MACROD2: variants seen among roughly 807,000 people sequenced by gnomAD.
The protein encoded by MACROD2 is mono-ADP ribosylhydrolase 2.
A neutral mutation model predicts 70.4 loss-of-function variants in MACROD2; 36 were observed. The ratio of observed to expected loss-of-function variants is 0.51; its 90% CI spans 0.39 to 0.68. The LOEUF is 0.68. MACROD2 is among the 30% of genes least tolerant of loss of function. The probability of loss-of-function intolerance (pLI) is 0.00; values close to 1 mark genes in which losing one functional copy is unlikely to be tolerated. For missense variants in MACROD2, 496 were observed against 538.4 expected, an observed-to-expected ratio of 0.92 and a Z score of 0.78; for synonymous variants, 172 against 178.8, an observed-to-expected ratio of 0.96 and a Z score of 0.30.
chr20:15,087,724 T>G (rs1201955813), intron 5 of MACROD2, among the ~76,000 whole-genome samples: 1 of 152,018 alleles, frequency 6.6e-6, no homozygotes, highest in Non-Finnish European at 1.5e-5. Context: ...AAATTTTTCA[T>G]GGCAAATGTC....
chr20:15,269,327 T>C (rs2077325330), intron 6 of MACROD2, among the ~76,000 whole-genome samples: 1 of 152,210 alleles, frequency 6.6e-6, no homozygotes, highest in Non-Finnish European at 1.5e-5. Flanking sequence ...AGCAAGGTTT[T>C]CCCTTAGTAC....
intron 2 of MACROD2, among the ~76,000 whole-genome samples, chr20:14,069,204 C>G (rs1201123414): frequency 6.6e-6 from 1 of 152,234 alleles, no homozygotes; most frequent in Non-Finnish European, 1.5e-5. Context: ...GCCTCGGCCT[C>G]CCAAAGTGCT....
intron 8 of MACROD2, among the ~76,000 whole-genome samples, chr20:15,793,953 T>C (rs1217277236): frequency 6.7e-6 from 1 of 148,460 alleles, no homozygotes; most frequent in Non-Finnish European, 1.5e-5. Flanking sequence ...AGATATTTTA[T>C]ATATAATATA....
chr20:15,032,327 C>G (rs560634146), intron 5 of MACROD2, among the ~76,000 whole-genome samples: 1 of 152,212 alleles, frequency 6.6e-6, no homozygotes, highest in East Asian at 1.9e-4. Context: ...GCTCCTGGCC[C>G]CCGTCGGCTC....
At chr20:15,601,621 G>A (rs1032893718) in intron 8 of MACROD2, among the ~76,000 whole-genome samples, 2 of 152,090 alleles carry the variant, frequency 1.3e-5, no homozygotes, top group Non-Finnish European at 2.9e-5. Flanking sequence ...TTAGTTTATT[G>A]GCTCTGACTC....
intron 5 of MACROD2, among the ~76,000 whole-genome samples, chr20:14,994,964 C>A (rs2074936886): frequency 6.6e-6 from 1 of 151,766 alleles, no homozygotes; most frequent in Admixed American, 6.6e-5. Context: ...CACAGTGAGA[C>A]TTTGTCTCTA....
intron 4 of MACROD2, among the ~76,000 whole-genome samples, chr20:14,570,723 A>G (rs1980136059): frequency 6.6e-6 from 1 of 152,028 alleles, no homozygotes; most frequent in South Asian, 2.1e-4. Flanking sequence ...AACACTAAGG[A>G]AGATAGTCTC....
chr20:14,125,537 C>G (rs1029229246), intron 3 of MACROD2, among the ~76,000 whole-genome samples: 16 of 151,990 alleles, frequency 1.1e-4, no homozygotes, highest in African/African-American at 3.4e-4. Context: ...CATAATTGTA[C>G]CACTCAGAAC....
chr20:14,591,484 G>A (rs1007023229), intron 4 of MACROD2, among the ~76,000 whole-genome samples: 3 of 152,172 alleles, frequency 2.0e-5, no homozygotes, highest in African/African-American at 7.2e-5. Flanking sequence ...TTCCAGCAAT[G>A]CCTGTTTTAA....
intron 2 of MACROD2, among the ~76,000 whole-genome samples, chr20:14,041,699 C>T (rs1367964069): frequency 1.3e-5 from 2 of 152,180 alleles, no homozygotes; most frequent in Non-Finnish European, 2.9e-5. Context: ...GAAAAGTAGA[C>T]TTGCTTACAA....
intron 3 of MACROD2, among the ~76,000 whole-genome samples, chr20:14,388,257 C>G (rs1251815764): frequency 6.6e-6 from 1 of 151,962 alleles, no homozygotes; most frequent in Non-Finnish European, 1.5e-5. Context: ...CGTGATCCAC[C>G]CATCTCAGCC....
intron 7 of MACROD2, among the ~76,000 whole-genome samples, chr20:15,432,507 T>C (rs1205602322): frequency 2.0e-5 from 3 of 152,040 alleles, no homozygotes; most frequent in African/African-American, 7.2e-5. Context: ...ATCTGCACAA[T>C]TATCCCCATC....
At chr20:15,501,742 G>A (rs576116425) in intron 8 of MACROD2, among the ~76,000 whole-genome samples, 236 of 152,204 alleles carry the variant, frequency 1.6e-3, no homozygotes, top group African/African-American at 5.5e-3. Context: ...TCTAATTTAA[G>A]CAAGTCAATT....
intron 5 of MACROD2, among the ~76,000 whole-genome samples, chr20:15,121,513 CAAAAAAAAAAAA>C (rs5840653): frequency 3.3e-5 from 4 of 122,056 alleles, no homozygotes; most frequent in Non-Finnish European, 5.0e-5. Flanking sequence ...AACTCTGCCT[CAAAAAAAAAAAA>C]AAAAAGAAAA....
At chr20:15,324,075 T>C (rs936640315) in intron 6 of MACROD2, among the ~76,000 whole-genome samples, 2 of 152,132 alleles carry the variant, frequency 1.3e-5, no homozygotes, top group African/African-American at 4.8e-5. Context: ...CTCCAGGAAA[T>C]ACTTGCCCCA....
At chr20:14,915,198 T>C (rs1368472967) in intron 5 of MACROD2, among the ~76,000 whole-genome samples, 1 of 152,180 alleles carries the variant, frequency 6.6e-6, no homozygotes, top group African/African-American at 2.4e-5. Context: ...GGTGTAACAA[T>C]AAAATGGAAT....
At chr20:14,106,920 T>C (rs2054377440) in intron 3 of MACROD2, among the ~76,000 whole-genome samples, 1 of 152,172 alleles carries the variant, frequency 6.6e-6, no homozygotes, top group Non-Finnish European at 1.5e-5. Context: ...CTTTCCAACA[T>C]GGAGGGGCAC....
chr20:14,599,367 G>C (rs1007866350), intron 4 of MACROD2, among the ~76,000 whole-genome samples: 6 of 152,154 alleles, frequency 3.9e-5, no homozygotes, highest in African/African-American at 9.7e-5. Context: ...ATTATCAGAA[G>C]ATGGTGCATG....
intron 3 of MACROD2, among the ~76,000 whole-genome samples, chr20:14,431,848 A>T (rs1221203445): frequency 6.6e-6 from 1 of 152,068 alleles, no homozygotes. Context: ...TAAGTTTCCC[A>T]TATGCCAGGC....
Sources: allele counts gnomAD v4.1 joint callset (sites outside exome capture counted in the v4.1 genomes callset), GRCh38; gene constraint gnomAD v4.1.1; transcripts MANE v1.5; gene names NCBI Gene and HGNC (gene_info 2026-07-23, HGNC 2026-07-21).